Variants in CNTNAP5 observed in about 807,000 individuals in gnomAD.
The protein encoded by CNTNAP5 is contactin-associated protein-like 5.
A neutral mutation model predicts 150.2 loss-of-function variants in CNTNAP5; 72 were observed. The observed-to-expected ratio is 0.48, with a 90% CI of 0.40 to 0.58. The LOEUF is 0.58. CNTNAP5 is among the 20% of genes least tolerant of loss of function. The pLI is 0.00. For missense variants in CNTNAP5, 1,636 were observed against 1,626.2 expected, an observed-to-expected ratio of 1.01 and a Z score of -0.10; for synonymous variants, 672 against 619.8, an observed-to-expected ratio of 1.08 and a Z score of -1.25.
intron 8 of CNTNAP5, among the ~76,000 whole-genome samples, chr2:124,509,065 T>A (rs540029190): frequency 6.6e-6 from 1 of 152,186 alleles, no homozygotes; most frequent in Non-Finnish European, 1.5e-5. Context: ...AAAGGTTTAT[T>A]TGAGACTAGT....
At chr2:124,209,827 G>T (rs1171915097) in intron 1 of CNTNAP5, among the ~76,000 whole-genome samples, 1 of 152,094 alleles carries the variant, frequency 6.6e-6, no homozygotes, top group East Asian at 1.9e-4. Context: ...AAGGAGAAAA[G>T]GAATTTCTTG....
chr2:124,879,555 G>A (rs542626133), intron 21 of CNTNAP5, among the ~76,000 whole-genome samples: 1 of 152,170 alleles, frequency 6.6e-6, no homozygotes, highest in East Asian at 1.9e-4. Context: ...CCATAGAAAG[G>A]TTGCTTCTTA....
intron 1 of CNTNAP5, among the ~76,000 whole-genome samples, chr2:124,086,115 C>A (rs1682683421): frequency 6.7e-6 from 1 of 149,148 alleles, no homozygotes; most frequent in African/African-American, 2.5e-5. Flanking sequence ...CCTTTCAGTT[C>A]TATCGATAGA....
At chr2:124,641,060 AG>A (rs1382172259) in intron 12 of CNTNAP5, among the ~76,000 whole-genome samples, 1 of 141,560 alleles carries the variant, frequency 7.1e-6, no homozygotes, top group Non-Finnish European at 1.5e-5. Flanking sequence ...CGGGAGGCAG[AG>A]GTTGCAGTGA....
intron 13 of CNTNAP5, among the ~76,000 whole-genome samples, chr2:124,713,139 C>T (rs946088539): frequency 6.7e-6 from 1 of 149,874 alleles, no homozygotes; most frequent in African/African-American, 2.4e-5. Flanking sequence ...TTCCTTTCTT[C>T]CTTCCTTCCT....
chr2:124,360,245 C>T (rs1690158544), intron 3 of CNTNAP5, among the ~76,000 whole-genome samples: 1 of 151,606 alleles, frequency 6.6e-6, no homozygotes, highest in South Asian at 2.1e-4. Flanking sequence ...CTGAATACAG[C>T]TCTTGACTCT....
At chr2:124,087,881 G>A (rs1270815171) in intron 1 of CNTNAP5, among the ~76,000 whole-genome samples, 10 of 152,048 alleles carry the variant, frequency 6.6e-5, no homozygotes. Flanking sequence ...CTTTCAAGAT[G>A]TTTTTCTTTG....
intron 3 of CNTNAP5, among the ~76,000 whole-genome samples, chr2:124,372,479 G>A (rs1011735716): frequency 2.0e-5 from 3 of 152,144 alleles, no homozygotes; most frequent in Admixed American, 2.0e-4. Context: ...TAATACGGAA[G>A]GATTTATATC....
chr2:124,589,877 G>T (rs779698251), intron 11 of CNTNAP5, among the ~76,000 whole-genome samples: 30 of 152,146 alleles, frequency 2.0e-4, no homozygotes, highest in Non-Finnish European at 4.1e-4. Flanking sequence ...CCTTGCTGTG[G>T]TTTGAATGTG....
intron 19 of CNTNAP5, among the ~76,000 whole-genome samples, chr2:124,847,674 G>A (rs1683077414): frequency 6.6e-6 from 1 of 152,112 alleles, no homozygotes; most frequent in African/African-American, 2.4e-5. Flanking sequence ...AGTTCTTGGA[G>A]CAAAAGTTTA....
chr2:124,735,530 T>G (rs76003385), intron 13 of CNTNAP5, among the ~76,000 whole-genome samples: 10 of 152,002 alleles, frequency 6.6e-5, no homozygotes, highest in African/African-American at 2.4e-4. Flanking sequence ...CCCAAGAGGG[T>G]TGAGGATACA....
intron 21 of CNTNAP5, among the ~76,000 whole-genome samples, chr2:124,883,922 A>T (rs1465030287): frequency 6.6e-6 from 1 of 152,002 alleles, no homozygotes; most frequent in Non-Finnish European, 1.5e-5. Context: ...GTGTGTGTGT[A>T]AATGTATGTC....
chr2:124,839,577 A>C (rs1682900651), intron 19 of CNTNAP5, among the ~76,000 whole-genome samples: 1 of 151,712 alleles, frequency 6.6e-6, no homozygotes, highest in South Asian at 2.1e-4. Context: ...ATCCTTCTTT[A>C]CCCTGGGGCA....
chr2:124,565,396 T>C (rs1207089386), intron 11 of CNTNAP5, among the ~76,000 whole-genome samples: 2 of 152,288 alleles, frequency 1.3e-5, no homozygotes, highest in East Asian at 3.9e-4. Flanking sequence ...TACCCAATTT[T>C]CTATGAAGTG....
intron 1 of CNTNAP5, among the ~76,000 whole-genome samples, chr2:124,041,946 C>A (rs1379187451): frequency 1.3e-5 from 2 of 152,128 alleles, no homozygotes; most frequent in Non-Finnish European, 2.9e-5. Context: ...ACTGCAACCA[C>A]CATCTCCTGG....
At chr2:124,690,672 C>T (rs1170080313) in intron 13 of CNTNAP5, among the ~76,000 whole-genome samples, 2 of 152,010 alleles carry the variant, frequency 1.3e-5, no homozygotes, top group Admixed American at 1.3e-4. Context: ...CTCTTTCTAG[C>T]CTCTTCACAT....
intron 11 of CNTNAP5, among the ~76,000 whole-genome samples, chr2:124,585,216 C>T (rs1175784706): frequency 1.3e-5 from 2 of 152,160 alleles, no homozygotes; most frequent in Non-Finnish European, 2.9e-5. Flanking sequence ...CATTTCCTTT[C>T]AGGTCCTGGG....
intron 3 of CNTNAP5, among the ~76,000 whole-genome samples, chr2:124,316,168 C>T (rs941686276): frequency 2.0e-5 from 3 of 152,120 alleles, no homozygotes; most frequent in Admixed American, 6.5e-5. Flanking sequence ...TGCTGTACAT[C>T]CACTAATGAA....
chr2:124,609,340 G>A (rs2104983528), intron 11 of CNTNAP5, among the ~76,000 whole-genome samples: 1 of 152,302 alleles, frequency 6.6e-6, no homozygotes, highest in African/African-American at 2.4e-5. Context: ...TATAATCCCA[G>A]CAGCTTGAGA....
Sources: allele counts gnomAD v4.1 joint callset (sites outside exome capture counted in the v4.1 genomes callset), GRCh38; gene constraint gnomAD v4.1.1; transcripts MANE v1.5; gene names NCBI Gene and HGNC (gene_info 2026-07-23, HGNC 2026-07-21).